Variants in MARCHF1 observed in about 807,000 individuals in gnomAD.
MARCHF1 encodes the protein membrane associated ring-CH-type finger 1, also known as E3 ubiquitin-protein ligase MARCHF1.
MARCHF1 carries 40 observed loss-of-function variants against 54.2 expected under a neutral mutation model. That is an observed-to-expected ratio of 0.74 (90% CI 0.57 to 0.96). The LOEUF (loss-of-function observed/expected upper bound fraction) is 0.96, where lower values mean the gene tolerates loss of function less well. MARCHF1 is among the 40% of genes least tolerant of loss of function. The pLI is 0.00. For synonymous variants in MARCHF1, 236 were observed against 236.3 expected (o/e 1.00, Z 0.01); for missense variants, 586 against 656.5 (o/e 0.89, Z 1.17).
intron 2 of MARCHF1, among the ~76,000 whole-genome samples, chr4:164,108,206 C>T (rs1195723572): frequency 2.6e-5 from 4 of 152,214 alleles, no homozygotes; most frequent in African/African-American, 9.6e-5. Context: ...CATTGCTCCC[C>T]ACTATTAATA....
rs1739714700 is a variant in MARCHF1 at position 163,568,210 on chromosome 4, TA to T, written c.1191+17538del. Among the ~76,000 whole-genome samples the T allele has an allele frequency of 3.3e-5, 5 of 152,282 alleles. No homozygotes were observed. In the South Asian group the frequency reaches 1.0e-3, roughly 32 times the overall value. ...CTATATAAAATAGGCATTCATTAAA[TA>T]AATTAACTGTTACTCTAGAGCAGTG... On this transcript the variant is annotated intron_variant, in intron 8 of 9. Transcript: ENST00000514618.
At chr4:164,163,230 A>G (rs1286538669) in intron 1 of MARCHF1, among the ~76,000 whole-genome samples, 1 of 152,052 alleles carries the variant, frequency 6.6e-6, no homozygotes, top group Non-Finnish European at 1.5e-5. Flanking sequence ...TTCAATAAAA[A>G]TAAGACTCTA....
chr4:163,563,225 G>C (rs777690053), intron 8 of MARCHF1, among the ~76,000 whole-genome samples: 8 of 152,056 alleles, frequency 5.3e-5, no homozygotes, highest in Non-Finnish European at 1.0e-4. Context: ...TAATATTAAT[G>C]GTTTTACATT....
At chr4:163,868,062 G>A (rs1355960764) in intron 3 of MARCHF1, among the ~76,000 whole-genome samples, 1 of 151,796 alleles carries the variant, frequency 6.6e-6, no homozygotes, top group African/African-American at 2.4e-5. Context: ...ATTACTATTA[G>A]TTGTTAATTT....
chr4:164,279,726 C>T (rs779468278), intron 1 of MARCHF1, among the ~76,000 whole-genome samples: 1 of 147,210 alleles, frequency 6.8e-6, no homozygotes, highest in East Asian at 2.0e-4. Flanking sequence ...TTCTCTGAAA[C>T]TGTAACTGTG....
intron 1 of MARCHF1, among the ~76,000 whole-genome samples, chr4:164,329,574 G>A (rs1370889801): frequency 1.3e-5 from 2 of 152,150 alleles, no homozygotes; most frequent in Admixed American, 1.3e-4. Context: ...CTGAGACTGG[G>A]TAATTTATAA....
intron 4 of MARCHF1, among the ~76,000 whole-genome samples, chr4:163,771,620 A>G (rs1385787917): frequency 6.6e-6 from 1 of 152,166 alleles, no homozygotes. Context: ...TAACTTCCCA[A>G]AAGGCCCTGT....
intron 2 of MARCHF1, among the ~76,000 whole-genome samples, chr4:164,015,977 G>A (rs1753532755): frequency 6.6e-6 from 1 of 151,562 alleles, no homozygotes; most frequent in African/African-American, 2.4e-5. Context: ...CATAAGAAAG[G>A]CAATCAATAT....
intron 2 of MARCHF1, among the ~76,000 whole-genome samples, chr4:164,058,078 C>CAATGAAA (rs1754533648): frequency 6.6e-6 from 1 of 151,902 alleles, no homozygotes; most frequent in Non-Finnish European, 1.5e-5. Flanking sequence ...ACAATGAAAA[C>CAATGAAA]ACATGGACAC....
chr4:164,336,925 ATCT>A (rs1324020733), intron 1 of MARCHF1, among the ~76,000 whole-genome samples: 1 of 152,204 alleles, frequency 6.6e-6, no homozygotes, highest in Non-Finnish European at 1.5e-5. Flanking sequence ...GGATAAAATA[ATCT>A]TCTAACTTCC....
chr4:163,977,235 C>A (rs1752665955), intron 3 of MARCHF1, among the ~76,000 whole-genome samples: 1 of 151,912 alleles, frequency 6.6e-6, no homozygotes, highest in Non-Finnish European at 1.5e-5. Context: ...TTTACCAAGT[C>A]AGTCAGGAAA....
chr4:164,149,462 C>T (rs17044574), intron 1 of MARCHF1, among the ~76,000 whole-genome samples: 1,868 of 152,242 alleles, frequency 0.012, 33 homozygotes, highest in African/African-American at 0.04. Context: ...TTAAATGGCA[C>T]AACAACCAGG....
chr4:164,003,210 A>G (rs1301169085), intron 2 of MARCHF1, among the ~76,000 whole-genome samples: 1 of 151,986 alleles, frequency 6.6e-6, no homozygotes, highest in African/African-American at 2.4e-5. Flanking sequence ...GATATTGCTA[A>G]TAAGCCAAAG....
At chr4:163,966,500 G>A (rs955281776) in intron 3 of MARCHF1, among the ~76,000 whole-genome samples, 1 of 152,000 alleles carries the variant, frequency 6.6e-6, no homozygotes, top group African/African-American at 2.4e-5. Context: ...ATTAAAAAAT[G>A]AATGAGAATA....
intron 1 of MARCHF1, among the ~76,000 whole-genome samples, chr4:164,215,554 C>A (rs961955328): frequency 1.3e-5 from 2 of 152,312 alleles, no homozygotes. Flanking sequence ...GGAGCCCTAG[C>A]CAGGGACCAC....
At chr4:164,332,698 T>C (rs1729583189) in intron 1 of MARCHF1, among the ~76,000 whole-genome samples, 1 of 152,204 alleles carries the variant, frequency 6.6e-6, no homozygotes, top group African/African-American at 2.4e-5. Flanking sequence ...GCAACTGGTG[T>C]TAAACCTTAA....
intron 4 of MARCHF1, among the ~76,000 whole-genome samples, chr4:163,714,698 A>G (rs1745206510): frequency 6.6e-6 from 1 of 152,124 alleles, no homozygotes; most frequent in African/African-American, 2.4e-5. Flanking sequence ...TATTTTTTTA[A>G]GACAGGGTCT....
At chr4:164,298,636 T>G (rs1023371694) in intron 1 of MARCHF1, among the ~76,000 whole-genome samples, 1 of 152,162 alleles carries the variant, frequency 6.6e-6, no homozygotes. Context: ...TCTACAAGAC[T>G]ACACTCAACT....
intron 3 of MARCHF1, among the ~76,000 whole-genome samples, chr4:163,917,200 C>T (rs985204302): frequency 7.9e-5 from 12 of 152,084 alleles, no homozygotes; most frequent in African/African-American, 1.2e-4. Context: ...TTAGCAATAA[C>T]GAATAAACCC....
Sources: gnomAD v4.1 joint callset for allele counts (sites outside exome capture counted in the v4.1 genomes callset) on GRCh38, gnomAD v4.1.1 for gene constraint, MANE v1.5 for transcripts, NCBI Gene and HGNC (gene_info 2026-07-23, HGNC 2026-07-21) for gene names.